Variants in NEK1 observed in about 807,000 individuals in gnomAD.
The protein encoded by NEK1 is serine/threonine-protein kinase Nek1.
Under a neutral mutation model 182.1 loss-of-function variants are expected in NEK1, and 137 were observed. The ratio of observed to expected loss-of-function variants is 0.75; its 90% CI spans 0.65 to 0.87. NEK1 has a LOEUF of 0.87. Among genes scored for constraint, NEK1 ranks in the 40% least tolerant of loss-of-function variants. NEK1 has a pLI of 0.00. For missense variants in NEK1, 1,391 were observed against 1,494.4 expected (o/e 0.93, Z 1.14); for synonymous variants, 513 against 492.2 (o/e 1.04, Z -0.56).
At chr4:169,524,856 C>G (rs984912577) in intron 19 of NEK1, among the ~76,000 whole-genome samples, 1 of 152,196 alleles carries the variant, frequency 6.6e-6, no homozygotes, top group Non-Finnish European at 1.5e-5. Context: ...TGTACTGGAA[C>G]ACATTCATGC....
chr4:169,404,793 A>G (rs374467957), intron 32 of NEK1, among the ~76,000 whole-genome samples: 3 of 142,364 alleles, frequency 2.1e-5, no homozygotes, highest in Non-Finnish European at 4.7e-5. Flanking sequence ...TTTTTTTTTT[A>G]ATTTTACTTT....
intron 23 of NEK1, among the ~76,000 whole-genome samples, chr4:169,492,857 A>G (rs1293995780): frequency 1.3e-5 from 2 of 152,148 alleles, no homozygotes; most frequent in African/African-American, 2.4e-5. Flanking sequence ...AAAGCCACCA[A>G]TGGGAAACAG....
chr4:169,582,752 T>C lies in NEK1; in HGVS notation c.808-1850A>G, dbSNP rs933799908. 3.3e-5 allele frequency among the ~76,000 whole-genome samples: 5 copies of C among 152,298 alleles called. No individual in the cohort carries two copies. The East Asian group carries it at 9.7e-4, about 29-fold the overall frequency. On this transcript the variant is annotated intron_variant, in intron 10 of 35. Coordinates refer to ENST00000507142, the MANE Select transcript of NEK1 (RefSeq NM_001199397.3). ...TCCAATAGAGTAGCCACTAGCCACA[T>C]GCGCCTATTTGAATTAAAATTTAAG...
chr4:169,402,449 A>C (rs1332852781), intron 32 of NEK1, among the ~76,000 whole-genome samples: 1 of 152,208 alleles, frequency 6.6e-6, no homozygotes, highest in Admixed American at 6.5e-5. Context: ...TTAGATGCTT[A>C]TTCTTAAAAA....
rs147584143 is a variant in NEK1 at position 169,447,947 on chromosome 4, G to A, written c.2588-9688C>T. Among the ~76,000 whole-genome samples the A allele has an allele frequency of 3.1e-3, 478 of 152,256 alleles. 4 individuals carry two copies. Among genetic ancestry groups the A allele is most frequent in the African/African-American group, 0.011 (461 of 41,540 alleles). On this transcript the variant is annotated intron_variant, in intron 27 of 35. Coordinates refer to ENST00000507142, the MANE Select transcript of NEK1 (RefSeq NM_001199397.3). ...TGCCTGTAATCCTAGAACTTTGGAA[G>A]GCTGAGGTGGGAGGATTGCTGGAAC...
chr4:169,460,560 T>C (rs1452377868), intron 27 of NEK1, among the ~76,000 whole-genome samples: 3 of 151,782 alleles, frequency 2.0e-5, no homozygotes, highest in Non-Finnish European at 2.9e-5. Context: ...TATCCAAAAC[T>C]CCTATAAGAA....
At chr4:169,507,944 A>G (rs1753584027) in intron 21 of NEK1, among the ~76,000 whole-genome samples, 152 bp from the exon 22 acceptor site, 1 of 152,216 alleles carries the variant, frequency 6.6e-6, no homozygotes, top group Non-Finnish European at 1.5e-5. Context: ...GCTGCAACTG[A>G]ACTCTCCACC....
chr4:169,572,413 G>C (rs1765019131), intron 12 of NEK1, among the ~76,000 whole-genome samples: 1 of 152,178 alleles, frequency 6.6e-6, no homozygotes, highest in Admixed American at 6.5e-5. Flanking sequence ...TTTGGAGAGA[G>C]AATGAAATCA....
chr4:169,548,763 C>A (rs1466668591), intron 18 of NEK1, among the ~76,000 whole-genome samples: 1 of 152,216 alleles, frequency 6.6e-6, no homozygotes, highest in Non-Finnish European at 1.5e-5. Flanking sequence ...GCTTTGTTTA[C>A]ACCATGAGGG....
At chr4:169,435,221 C>T (rs748923111) in intron 28 of NEK1, among the ~76,000 whole-genome samples, 3 of 151,352 alleles carry the variant, frequency 2.0e-5, no homozygotes, top group Non-Finnish European at 2.9e-5. Context: ...ACCTTTTCCT[C>T]CTTGTATCCG....
At chr4:169,466,674 C>T (rs1744985571) in intron 26 of NEK1, among the ~76,000 whole-genome samples, 1 of 151,898 alleles carries the variant, frequency 6.6e-6, no homozygotes, top group Non-Finnish European at 1.5e-5. Flanking sequence ...GAAAGAATCA[C>T]CAGCAGGACT....
At chr4:169,494,886 G>T (rs572668820) in intron 23 of NEK1, among the ~76,000 whole-genome samples, 32 of 152,292 alleles carry the variant, frequency 2.1e-4, no homozygotes, top group South Asian at 1.0e-3. Flanking sequence ...TTTGGCTGCA[G>T]AAATGTCTTC....
rs376797020 is a variant in NEK1, at chr4:169,552,795, G to C, written c.1562+2925C>G. Among the ~76,000 whole-genome samples, 429 of 152,068 alleles carry C rather than the reference G, an allele frequency of 2.8e-3. 19 individuals carry two copies. In the South Asian group the frequency reaches 0.067, roughly 24 times the overall value. On this transcript the variant is annotated intron_variant, in intron 18 of 35. Coordinates refer to ENST00000507142, the MANE Select transcript of NEK1 (RefSeq NM_001199397.3). The stretch of plus-strand genomic sequence containing the variant: ...CAATTGCTTTCCTATATATAAACAA[G>C]GAACAAGTAGAATTTGAAATTAAAA...
intron 30 of NEK1, among the ~76,000 whole-genome samples, chr4:169,425,354 C>T (rs368720655): frequency 4.0e-5 from 6 of 151,156 alleles, no homozygotes; most frequent in African/African-American, 1.2e-4. Context: ...CCCAGGAGTT[C>T]GAGGCTGCAG....
At chr4:169,487,642 A>G (rs1749279168) in intron 23 of NEK1, among the ~76,000 whole-genome samples, 1 of 152,208 alleles carries the variant, frequency 6.6e-6, no homozygotes, top group Admixed American at 6.5e-5. Flanking sequence ...ATGTATCTTT[A>G]TAACAGAATG....
intron 27 of NEK1, among the ~76,000 whole-genome samples, chr4:169,451,745 A>G (rs1425497865): frequency 6.6e-6 from 1 of 152,228 alleles, no homozygotes; most frequent in Non-Finnish European, 1.5e-5. Context: ...GCAAGAGCAA[A>G]CAAATTCAAA....
rs775796847 is a variant in NEK1, at chr4:169,585,350, T to C, written c.806A>G (p.Gln269Arg). ...AKRIEKFLSPQLIAEEFCLKT... is the reference protein window; with the variant it reads ...AKRIEKFLSPRLIAEEFCLKT... ...AATTTTAAAGGAAAAAGAACTTACC[T>C]GAGGAGAGAGAAACTTTTCAATGCG... is the stretch of plus-strand genomic sequence containing the variant. Residue 269 changes from glutamine (Q) to arginine (R), a missense_variant and splice_region_variant, in exon 10 of 36, where the codon CAG (glutamine) becomes CGG (arginine). Gln to Arg is a conservative substitution (Grantham distance 43). Around this residue, in one of 5 missense-constraint regions of NEK1, gnomAD observed 1,216 missense variants for 1,277.6 expected, o/e 0.95. Transcript: ENST00000507142. 4 of 1,612,006 alleles carry C rather than the reference T, an allele frequency of 2.5e-6. No homozygotes were observed. The East Asian group carries it at 8.9e-5, about 36-fold the overall frequency.
At chr4:169,596,403 A>G (rs1581051549) in intron 5 of NEK1, among the ~76,000 whole-genome samples, 1 of 152,214 alleles carries the variant, frequency 6.6e-6, no homozygotes, top group African/African-American at 2.4e-5. Context: ...AAAATTATTT[A>G]TGGTCACATG....
chr4:169,487,951 GCATGT>G (rs756695190), intron 23 of NEK1, among the ~76,000 whole-genome samples: 2 of 152,032 alleles, frequency 1.3e-5, no homozygotes, highest in African/African-American at 2.4e-5. Flanking sequence ...TTGGCTGCAT[GCATGT>G]CTTCTTTTTA....
Sources: gnomAD v4.1 joint callset for allele counts (sites outside exome capture counted in the v4.1 genomes callset) on GRCh38, gnomAD v4.1.1 for gene constraint, gnomAD v4.1.1 regional missense constraint, MANE v1.5 for transcripts, NCBI Gene and HGNC (gene_info 2026-07-23, HGNC 2026-07-21) for gene names.